The following REV1 variants were observed in gnomAD, a reference collection of about 807,000 sequenced individuals.
The protein encoded by REV1 is translesion synthesis protein REV1.
In REV1, 42 loss-of-function variants were observed where a neutral mutation model predicts 137.4. The observed-to-expected ratio is 0.31, with a 90% CI of 0.24 to 0.40. The LOEUF (loss-of-function observed/expected upper bound fraction) is 0.40, where lower values mean the gene tolerates loss of function less well. Ranked by LOEUF, REV1 falls within the 10% of genes least tolerant of loss-of-function variation. REV1 has a pLI of 1.00. For missense variants in REV1, 1,282 were observed against 1,490.1 expected, an observed-to-expected ratio of 0.86 and a Z score of 2.30; for synonymous variants, 524 against 519.2, an observed-to-expected ratio of 1.01 and a Z score of -0.12.
At position 99,404,591 on chromosome 2, in the gene REV1, A is replaced by C. The variant is rs1315109969; in HGVS notation, c.2898T>G (p.His966Gln). 8 of 1,613,938 alleles carry C rather than the reference A, an allele frequency of 5.0e-6. No individual in the cohort carries two copies. In the African/African-American group the frequency reaches 9.3e-5, roughly 19 times the overall value. Residue 966 changes from histidine (H) to glutamine (Q), a missense_variant, in exon 18 of 23, where the codon CAT becomes CAG. Physicochemically the swap from His to Gln is conservative, Grantham distance 24. This residue lies in a region of REV1 where 135 missense variants were observed against 123.3 expected (regional missense o/e 1.10). Transcript: ENST00000258428. The part of the protein sequence containing the change: ...QVCAVQQAES[H>Q]GDKKKEPVNG... ...TTACTGGTTCTTTCTTTTTGTCGCC[A>C]TGTGACTCTGCTTGCTGGACAGCAC...
chr2:99,442,571 C>A (rs1681657283), intron 4 of REV1, 102 bp from the exon 5 acceptor site: 1 of 1,070,342 alleles, frequency 9.3e-7, no homozygotes, highest in Non-Finnish European at 1.4e-6. Flanking sequence ...TCACCAACAA[C>A]AGGTCATCTG....
intron 3 of REV1, among the ~76,000 whole-genome samples, chr2:99,452,847 T>C (rs372549890): frequency 1.6e-4 from 24 of 152,326 alleles, no homozygotes; most frequent in African/African-American, 5.8e-4. Context: ...AGAGACGCCA[T>C]ATAATGTATT....
intron 11 of REV1, among the ~76,000 whole-genome samples, chr2:99,419,151 C>T (rs1033772543): frequency 6.6e-5 from 10 of 151,498 alleles, no homozygotes; most frequent in African/African-American, 1.5e-4. Flanking sequence ...TTTGCTCTAA[C>T]GCAAGTGCCA....
Position 99,440,131 on chromosome 2 carries a change from T to G in REV1, c.504-821A>C, listed in dbSNP as rs111752564. 6.2e-3 allele frequency among the ~76,000 whole-genome samples: 944 copies of G among 152,336 alleles called. 7 individuals carry two copies. The highest frequency in any genetic ancestry group is 0.021 in the African/African-American group (864 of 41,568). On this transcript the variant is annotated intron_variant, in intron 5 of 22. Transcript: ENST00000258428. ...AGGCAATCTGGACCAAGTTTCCTGATGACAGCTTTATAAATGCAGAACCCA... is the reference window on the plus strand; with the variant it reads ...AGGCAATCTGGACCAAGTTTCCTGAGGACAGCTTTATAAATGCAGAACCCA...
chr2:99,454,976 A>G (rs896291536), intron 3 of REV1, among the ~76,000 whole-genome samples: 2 of 152,234 alleles, frequency 1.3e-5, no homozygotes, highest in Non-Finnish European at 2.9e-5. Context: ...CAAAACAGCC[A>G]TATGAAGACC....
chr2:99,405,067 G>T (rs971949896), intron 17 of REV1, among the ~76,000 whole-genome samples: 31 of 152,208 alleles, frequency 2.0e-4, no homozygotes, highest in African/African-American at 7.5e-4. Flanking sequence ...TTCTGGACAG[G>T]TAACAGTCCT....
chr2:99,403,675 A>T lies in REV1; in HGVS notation c.3166+20T>A. 1 of 1,614,090 alleles carries T rather than the reference A, an allele frequency of 6.2e-7. No individual in the cohort carries two copies. On this transcript the variant is annotated intron_variant, in intron 19 of 22. Coordinates refer to ENST00000258428, the MANE Select transcript of REV1 (RefSeq NM_016316.4). ...TACTCTTTGTCTTCATTTTTGTTAC[A>T]TGCCACTTCCAAGGCTCACCAGATG... is the stretch of plus-strand genomic sequence containing the variant.
At chr2:99,451,445 T>C (rs1417317110) in intron 3 of REV1, 3 of 1,303,976 alleles carry the variant, frequency 2.3e-6, no homozygotes, top group Non-Finnish European at 3.0e-6. Context: ...CTCTTTGAAG[T>C]TCACTTCTGA....
chr2:99,459,147 G>A (rs965393297), intron 3 of REV1, among the ~76,000 whole-genome samples: 4 of 151,770 alleles, frequency 2.6e-5, no homozygotes, highest in African/African-American at 9.7e-5. Flanking sequence ...GGCAGAGCTT[G>A]CAGTGAGCCG....
At chr2:99,407,281 G>T (rs1210083339) in intron 15 of REV1, among the ~76,000 whole-genome samples, 1 of 151,126 alleles carries the variant, frequency 6.6e-6, no homozygotes, top group African/African-American at 2.4e-5. Context: ...GTAGAGATGG[G>T]GGCAAGTGCC....
intron 15 of REV1, chr2:99,406,859 TTTTTATC>T (rs1426207332): frequency 6.4e-6 from 1 of 156,040 alleles, no homozygotes; most frequent in Non-Finnish European, 1.4e-5. Context: ...AACTTCACTA[TTTTTATC>T]TTTTTTAAAT....
chr2:99,467,368 C>A (rs1415615130), intron 1 of REV1, among the ~76,000 whole-genome samples: 1 of 152,146 alleles, frequency 6.6e-6, no homozygotes, highest in Non-Finnish European at 1.5e-5. Flanking sequence ...GAATGAAGGA[C>A]TGAAAATTTT....
chr2:99,404,358 A>T, intron 18 of REV1, 86 bp downstream of exon 18: 1 of 732,390 alleles, frequency 1.4e-6, no homozygotes, highest in Non-Finnish European at 2.2e-6. Flanking sequence ...GATACAGAGG[A>T]GAAAGGGAAG....
intron 1 of REV1, among the ~76,000 whole-genome samples, chr2:99,475,878 G>A (rs949332214): frequency 1.3e-5 from 2 of 152,148 alleles, no homozygotes; most frequent in Admixed American, 6.5e-5. Flanking sequence ...CAGCTACTCC[G>A]GAGGCTGAGG....
At chr2:99,433,281 C>T (rs1404773286) in intron 8 of REV1, among the ~76,000 whole-genome samples, 1 of 152,196 alleles carries the variant, frequency 6.6e-6, no homozygotes, top group African/African-American at 2.4e-5. Context: ...AGCTACTCCA[C>T]ATCTACTCAT....
intron 9 of REV1, chr2:99,424,559 C>A: frequency 2.2e-6 from 1 of 448,012 alleles, no homozygotes; most frequent in Non-Finnish European, 3.9e-6. Flanking sequence ...AAAACTCATA[C>A]CTCTGGCCCC....
intron 3 of REV1, among the ~76,000 whole-genome samples, chr2:99,456,135 T>C (rs1683517263): frequency 6.6e-6 from 1 of 152,256 alleles, no homozygotes; most frequent in African/African-American, 2.4e-5. Context: ...GCCTCAAATG[T>C]GGCCCATTCC....
intron 12 of REV1, among the ~76,000 whole-genome samples, chr2:99,415,919 C>A (rs1337520839): frequency 6.6e-6 from 1 of 152,256 alleles, no homozygotes; most frequent in Non-Finnish European, 1.5e-5. Context: ...TCGTTGGGGT[C>A]AATCCTTTCT....
In REV1 at chr2:99,442,367, C is replaced by T. The variant is rs1189097304; in HGVS notation, c.453G>A (p.Glu151=). ...TATTGCTTGGACCTGGCAGAGGATC[C>T]TCAGGTCTGCATACAGGATTAAAGC... ...GLSFNPVCRP[E]DPLPGPSNIA... Residue 151 remains glutamate, a synonymous_variant, in exon 5 of 23, where the codon GAG becomes GAA. Transcript: ENST00000258428. The T allele has an allele frequency of 6.2e-7, 1 of 1,613,094 alleles. No individual in the cohort carries two copies. Among genetic ancestry groups the T allele is most frequent in the Non-Finnish European group, 8.5e-7 (1 of 1,179,598 alleles).
Sources: allele counts gnomAD v4.1 joint callset (sites outside exome capture counted in the v4.1 genomes callset), GRCh38; gene constraint gnomAD v4.1.1; regional missense constraint gnomAD v4.1.1; transcripts MANE v1.5; gene names NCBI Gene and HGNC (gene_info 2026-07-23, HGNC 2026-07-21).